ALK: variants seen among roughly 807,000 people sequenced by gnomAD.
The protein encoded by ALK is ALK receptor tyrosine kinase, also known as ALK tyrosine kinase receptor.
In ALK, 74 loss-of-function variants were observed where a neutral mutation model predicts 163.1. That is an observed-to-expected ratio of 0.45 (90% CI 0.38 to 0.55). The LOEUF (loss-of-function observed/expected upper bound fraction) is 0.55. ALK is among the 20% of genes least tolerant of loss of function. The pLI, the probability that ALK is intolerant of heterozygous loss-of-function variation, is 0.00. For missense variants in ALK, 2,063 were observed against 2,105.3 expected (o/e 0.98, Z 0.39); for synonymous variants, 960 against 843.2 (o/e 1.14, Z -2.40).
intron 9 of ALK, among the ~76,000 whole-genome samples, chr2:29,280,098 G>A (rs1410117220): frequency 6.6e-6 from 1 of 152,078 alleles, no homozygotes; most frequent in Non-Finnish European, 1.5e-5. Flanking sequence ...TGTACCAGGT[G>A]GACTGCTGTG....
intron 4 of ALK, among the ~76,000 whole-genome samples, chr2:29,474,058 C>T (rs1671441961): frequency 1.3e-5 from 2 of 152,026 alleles, no homozygotes; most frequent in Non-Finnish European, 2.9e-5. Context: ...ACATTTTTAC[C>T]CTCCTAAGTA....
chr2:29,454,170 C>G (rs4233737), intron 4 of ALK, among the ~76,000 whole-genome samples: 83,362 of 151,862 alleles, frequency 0.55, 23,170 homozygotes, highest in East Asian at 0.69. Context: ...TCTTGGATGA[C>G]CTATAGAATT....
chr2:29,699,007 C>A (rs544964660), intron 2 of ALK, among the ~76,000 whole-genome samples: 2 of 152,170 alleles, frequency 1.3e-5, no homozygotes, highest in African/African-American at 4.8e-5. Context: ...GCCTAAAACA[C>A]CAGGTTAAGT....
intron 3 of ALK, among the ~76,000 whole-genome samples, chr2:29,603,250 T>C (rs1346650624): frequency 6.6e-6 from 1 of 152,170 alleles, no homozygotes; most frequent in East Asian, 1.9e-4. Flanking sequence ...TTTCAGCTAA[T>C]CTTGTCAGGA....
intron 4 of ALK, among the ~76,000 whole-genome samples, chr2:29,450,904 C>A (rs932341132): frequency 6.6e-6 from 1 of 152,144 alleles, no homozygotes; most frequent in Non-Finnish European, 1.5e-5. Context: ...CCATCCCTGA[C>A]ATATGAAGTG....
At chr2:29,411,257 TG>T (rs1669717795) in intron 4 of ALK, among the ~76,000 whole-genome samples, 1 of 152,164 alleles carries the variant, frequency 6.6e-6, no homozygotes, top group Non-Finnish European at 1.5e-5. Flanking sequence ...CTGTCATCTG[TG>T]ATAACAATGC....
intron 1 of ALK, among the ~76,000 whole-genome samples, chr2:29,914,244 TG>T (rs1490507183): frequency 6.6e-6 from 1 of 152,220 alleles, no homozygotes; most frequent in Admixed American, 6.5e-5. Context: ...CATGGTGAAA[TG>T]GTAGAAACTA....
chr2:29,405,619 C>T (rs983347046), intron 4 of ALK, among the ~76,000 whole-genome samples: 7 of 152,110 alleles, frequency 4.6e-5, no homozygotes, highest in African/African-American at 1.7e-4. Context: ...CCTCCTTTAC[C>T]TATTTATTTT....
rs559160260 is a variant in ALK, at chr2:29,783,984, C to A, written c.668-66287G>T. Among the ~76,000 whole-genome samples the A allele has an allele frequency of 1.6e-4, 25 of 152,256 alleles. No individual in the cohort carries two copies. In the South Asian group the frequency reaches 5.2e-3, roughly 32 times the overall value. ...AGCTAGAACTGAGAAACTCCAAGGG[C>A]TACTTCAGCTTTGAAATGTTGTAAT... On this transcript the variant is annotated intron_variant, in intron 1 of 28. Coordinates refer to ENST00000389048, the MANE Select transcript of ALK (RefSeq NM_004304.5).
intron 4 of ALK, among the ~76,000 whole-genome samples, chr2:29,416,562 G>A (rs976441566): frequency 2.6e-5 from 4 of 152,172 alleles, no homozygotes; most frequent in Admixed American, 6.5e-5. Context: ...TAAGGAAAGC[G>A]AGAATTTTCA....
intron 4 of ALK, among the ~76,000 whole-genome samples, chr2:29,468,355 TGA>T (rs1671263476): frequency 6.6e-6 from 1 of 152,134 alleles, no homozygotes; most frequent in Admixed American, 6.5e-5. Context: ...AAAGGAGTCC[TGA>T]GATAAAAATT....
At chr2:29,732,770 G>C (rs758377851) in intron 1 of ALK, among the ~76,000 whole-genome samples, 2 of 152,102 alleles carry the variant, frequency 1.3e-5, no homozygotes, top group East Asian at 3.9e-4. Context: ...CAGCAAGAAG[G>C]CACTGCTCGT....
intron 3 of ALK, among the ~76,000 whole-genome samples, chr2:29,571,163 T>C (rs1303600544): frequency 6.6e-6 from 1 of 152,118 alleles, no homozygotes; most frequent in Non-Finnish European, 1.5e-5. Context: ...CAGAGAGAGC[T>C]AAGGACACCT....
At chr2:29,382,548 T>C (rs1668925962) in intron 5 of ALK, among the ~76,000 whole-genome samples, 1 of 152,228 alleles carries the variant, frequency 6.6e-6, no homozygotes, top group South Asian at 2.1e-4. Context: ...TTCTGGGAAT[T>C]GATACTTTCT....
At chr2:29,284,099 G>A (rs1045073740) in intron 9 of ALK, among the ~76,000 whole-genome samples, 2 of 152,170 alleles carry the variant, frequency 1.3e-5, no homozygotes, top group African/African-American at 4.8e-5. Flanking sequence ...AGTCAAGAAA[G>A]ACTTAAAATA....
chr2:29,902,977 G>C (rs893889826), intron 1 of ALK, among the ~76,000 whole-genome samples: 11 of 152,150 alleles, frequency 7.2e-5, no homozygotes, highest in African/African-American at 2.4e-4. Flanking sequence ...GGTGGGGTTG[G>C]TATCATCCCT....
At chr2:29,575,984 A>G (rs1440032936) in intron 3 of ALK, among the ~76,000 whole-genome samples, 1 of 152,116 alleles carries the variant, frequency 6.6e-6, no homozygotes, top group East Asian at 1.9e-4. Flanking sequence ...GCACCTCCTG[A>G]GCCTCCCAGT....
chr2:29,393,613 A>C (rs1329137477), intron 4 of ALK, among the ~76,000 whole-genome samples: 1 of 152,184 alleles, frequency 6.6e-6, no homozygotes, highest in Non-Finnish European at 1.5e-5. Flanking sequence ...AAACAAAGAC[A>C]TTGGGTCTTC....
At chr2:29,735,479 G>A (rs1319162202) in intron 1 of ALK, among the ~76,000 whole-genome samples, 1 of 152,034 alleles carries the variant, frequency 6.6e-6, no homozygotes, top group Non-Finnish European at 1.5e-5. Context: ...AGTAAGAGTA[G>A]TAGTAATAAT....
Sources: allele counts gnomAD v4.1 joint callset (sites outside exome capture counted in the v4.1 genomes callset), GRCh38; gene constraint gnomAD v4.1.1; transcripts MANE v1.5; gene names NCBI Gene and HGNC (gene_info 2026-07-23, HGNC 2026-07-21).